The following ADNP2 variants were observed in gnomAD, a reference collection of about 807,000 sequenced individuals.
ADNP2 encodes ADNP homeobox 2, also known as activity-dependent neuroprotector homeobox protein 2.
In ADNP2, 8 loss-of-function variants were observed where a neutral mutation model predicts 16.4. The observed-to-expected ratio is 0.49, with a 90% CI of 0.29 to 0.88. ADNP2 has a LOEUF of 0.88. ADNP2 is among the 40% of genes least tolerant of loss of function. ADNP2 has a pLI of 0.09. For missense variants in ADNP2, 1,397 were observed against 1,395.1 expected (o/e 1.00, Z -0.02); for synonymous variants, 637 against 545.8 (o/e 1.17, Z -2.33).
intron 2 of ADNP2, among the ~76,000 whole-genome samples, chr18:80,120,441 C>T (rs2145196430): frequency 6.6e-6 from 1 of 151,404 alleles, no homozygotes; most frequent in Non-Finnish European, 1.5e-5. Context: ...AGATGATCCT[C>T]CTAACTCAGC....
intron 2 of ADNP2, among the ~76,000 whole-genome samples, chr18:80,119,098 AT>A (rs1038492440): frequency 3.6e-4 from 55 of 152,116 alleles, no homozygotes; most frequent in African/African-American, 1.1e-3. Context: ...ATATATTCAC[AT>A]TTTTTTTCTT....
Position 80,133,115 on chromosome 18 carries a change from T to A in ADNP2, c.121T>A (p.Phe41Ile). 2 of 1,606,978 alleles carry A rather than the reference T, an allele frequency of 1.2e-6. No homozygotes were observed. Residue 41 changes from phenylalanine (F) to isoleucine (I), a missense_variant, in exon 3 of 4, where the codon TTT becomes ATT. By Grantham distance (21) the Phe-to-Ile change is conservative. This residue lies in a region of ADNP2 where 777 missense variants were observed against 719.4 expected (regional missense o/e 1.08). Coordinates refer to ENST00000262198, the MANE Select transcript of ADNP2 (RefSeq NM_014913.4). Reference sequence around the variant, plus strand: ...CCCTTTTTAAAAGGACCTTAAAGGCTTTGATCCAGGAGAGAAATACTTTCA... The same window carrying A: ...CCCTTTTTAAAAGGACCTTAAAGGCATTGATCCAGGAGAGAAATACTTTCA... ...CKELLKDLKG[F>I]DPGEKYFHNT...
intron 2 of ADNP2, among the ~76,000 whole-genome samples, chr18:80,129,113 T>G (rs939451395): frequency 2.8e-5 from 4 of 143,204 alleles, no homozygotes; most frequent in African/African-American, 5.1e-5. Flanking sequence ...TTGTTTTTTT[T>G]TTTTTTTTGA....
intron 2 of ADNP2, among the ~76,000 whole-genome samples, chr18:80,118,966 G>GT (rs891056075): frequency 1.1e-4 from 17 of 152,212 alleles, no homozygotes; most frequent in African/African-American, 3.9e-4. Context: ...TAATACAGAA[G>GT]TTTTTTATAG....
chr18:80,132,038 T>C (rs946621998), intron 2 of ADNP2, among the ~76,000 whole-genome samples: 4 of 152,262 alleles, frequency 2.6e-5, no homozygotes, highest in Non-Finnish European at 1.5e-5. Context: ...TTTCTTTATA[T>C]GTACTCATGA....
chr18:80,118,722 A>G (rs1397321497), intron 2 of ADNP2, among the ~76,000 whole-genome samples: 1 of 152,190 alleles, frequency 6.6e-6, no homozygotes, highest in African/African-American at 2.4e-5. Flanking sequence ...ATTGCTCGTG[A>G]ACTTTTGCTT....
At position 80,136,696 on chromosome 18, in the gene ADNP2, G is replaced by A. The variant is rs1184045691; in HGVS notation, c.1283G>A (p.Gly428Glu). The A allele has an allele frequency of 1.2e-6, 2 of 1,613,202 alleles. No individual in the cohort carries two copies. The highest frequency in any genetic ancestry group is 1.7e-6 in the Non-Finnish European group (2 of 1,179,584). The part of the protein sequence containing the change: ...VLPVSPSVTP[G>E]VLQAVSPGVL... ...CCTGTGAGCCCCTCTGTCACCCCTG[G>A]GGTCCTGCAGGCTGTCTCGCCAGGG... The change falls in exon 4 of 4, where the codon GGG becomes GAG. Residue 428 changes from glycine to glutamate, a missense_variant. This residue lies in a region of ADNP2 where 777 missense variants were observed against 719.4 expected (regional missense o/e 1.08). Transcript: ENST00000262198.
At chr18:80,114,869 T>C (rs2052379367) in intron 1 of ADNP2, among the ~76,000 whole-genome samples, 1 of 151,982 alleles carries the variant, frequency 6.6e-6, no homozygotes. Flanking sequence ...TGCTGGTAGT[T>C]GATGTGGAAC....
chr18:80,121,752 T>C (rs1357877144), intron 2 of ADNP2, among the ~76,000 whole-genome samples: 1 of 152,226 alleles, frequency 6.6e-6, no homozygotes, highest in Non-Finnish European at 1.5e-5. Context: ...TACATGTAGA[T>C]AGAAATTCAG....
In ADNP2 at chr18:80,137,433, G is replaced by A; in HGVS notation, c.2020G>A (p.Val674Ile). The A allele has an allele frequency of 6.2e-7, 1 of 1,614,190 alleles. No individual in the cohort carries two copies. The highest frequency in any genetic ancestry group is 8.5e-7 in the Non-Finnish European group (1 of 1,180,044). The change falls in exon 4 of 4, where the codon GTT becomes ATT. Residue 674 changes from valine to isoleucine, a missense_variant. By Grantham distance (29) the Val-to-Ile change is conservative. Transcript: ENST00000262198. The surrounding 1 kb of genome is among the most constrained non-coding windows in gnomAD (Gnocchi z 4.2). ...GGTGAATGCTGCTCAGAGCGTGTTT[G>A]TTCAGGCCTCCTCCTCTGCAGCAGA... ...VLVNAAQSVF[V>I]QASSSAADTN...
At chr18:80,125,831 AAAG>A (rs1251829519) in intron 2 of ADNP2, among the ~76,000 whole-genome samples, 1 of 152,128 alleles carries the variant, frequency 6.6e-6, no homozygotes, top group Non-Finnish European at 1.5e-5. Context: ...TTTTTAATTA[AAAG>A]AAGTTTATTG....
Position 80,117,620 on chromosome 18 carries a change from T to C in ADNP2, c.78T>C (p.Ile26=). Residue 26 remains isoleucine, a synonymous_variant, in exon 2 of 4, where the codon ATT becomes ATC. Transcript: ENST00000262198. ...RKKVKGILVD[I]GLDSCKELLK... ...AGGTGAAAGGTATTCTTGTGGATATTGGGCTTGACAGCTGCAAGGAGTTAC... is the reference window on the plus strand; with the variant it reads ...AGGTGAAAGGTATTCTTGTGGATATCGGGCTTGACAGCTGCAAGGAGTTAC... 3 of 1,608,962 alleles carry C rather than the reference T, an allele frequency of 1.9e-6. No homozygotes were observed. The highest frequency in any genetic ancestry group is 2.5e-6 in the Non-Finnish European group (3 of 1,178,530).
In ADNP2 at chr18:80,135,784, T is replaced by G. The variant is rs2052528119; in HGVS notation, c.371T>G (p.Phe124Cys). The stretch of plus-strand genomic sequence containing the variant: ...CAGCCCAAAGTTGTGGGAAGGCACT[T>G]CAGAATGTTCCATGCACCTGTCCGG... ...ASQPKVVGRHFRMFHAPVRKV... is the reference protein window; with the variant it reads ...ASQPKVVGRHCRMFHAPVRKV... Residue 124 changes from phenylalanine to cysteine, a missense_variant, in exon 4 of 4, where the codon TTC becomes TGC. Phe to Cys is a radical substitution (Grantham distance 205, BLOSUM62 -2). This residue lies in a region of ADNP2 where 777 missense variants were observed against 719.4 expected (regional missense o/e 1.08). Coordinates refer to ENST00000262198, the MANE Select transcript of ADNP2 (RefSeq NM_014913.4). 2 of 1,614,106 alleles carry G rather than the reference T, an allele frequency of 1.2e-6. No homozygotes were observed. Among genetic ancestry groups the G allele is most frequent in the Non-Finnish European group, 1.7e-6 (2 of 1,180,050 alleles).
intron 1 of ADNP2, among the ~76,000 whole-genome samples, chr18:80,114,529 G>T (rs1207383852): frequency 6.6e-6 from 1 of 152,084 alleles, no homozygotes; most frequent in Non-Finnish European, 1.5e-5. Flanking sequence ...TGCCAAAAAA[G>T]TTGCCACATT....
At chr18:80,132,596 C>CTG (rs1568413500) in intron 2 of ADNP2, among the ~76,000 whole-genome samples, 17 of 151,766 alleles carry the variant, frequency 1.1e-4, no homozygotes, top group African/African-American at 4.1e-4. Flanking sequence ...TCCTTCCTCT[C>CTG]TTTTCTCTTT....
In ADNP2 at chr18:80,136,042, C is replaced by T. The variant is rs1334929076; in HGVS notation, c.629C>T (p.Pro210Leu). ...TNDTVSIEKI[P>L]PPDKYYCKKC... The stretch of plus-strand genomic sequence containing the variant: ...GATACTGTTTCTATAGAGAAGATCC[C>T]ACCACCTGACAAATATTACTGTAAA... Residue 210 changes from proline to leucine, a missense_variant, in exon 4 of 4, where the codon CCA becomes CTA. Physicochemically the swap from Pro to Leu is moderately conservative, Grantham distance 98. Around this residue, in one of 3 missense-constraint regions of ADNP2, gnomAD observed 777 missense variants for 719.4 expected, o/e 1.08. Coordinates refer to ENST00000262198, the MANE Select transcript of ADNP2 (RefSeq NM_014913.4). 1.2e-6 allele frequency: 2 copies of T among 1,614,074 alleles called. No homozygotes were observed. The highest frequency in any genetic ancestry group is 1.7e-6 in the Non-Finnish European group (2 of 1,180,050).
chr18:80,136,368 C>T lies in ADNP2; in HGVS notation c.955C>T (p.Leu319Phe), dbSNP rs2145215090. 6 of 1,614,218 alleles carry T rather than the reference C, an allele frequency of 3.7e-6. No homozygotes were observed. In the East Asian group the frequency reaches 1.3e-4, roughly 36 times the overall value. The change falls in exon 4 of 4, where the codon CTC becomes TTC. Residue 319 changes from leucine to phenylalanine, a missense_variant. Coordinates refer to ENST00000262198, the MANE Select transcript of ADNP2 (RefSeq NM_014913.4). The stretch of plus-strand genomic sequence containing the variant: ...TGTGGCCCAGGGTGCCCCTGGAAGC[C>T]TCACTCATTCCCCCCCTGCTGCTGG... ...VTVAQGAPGS[L>F]THSPPAAGQS...
At chr18:80,110,206 T>C (rs989946036) in intron 1 of ADNP2, among the ~76,000 whole-genome samples, 1 of 152,248 alleles carries the variant, frequency 6.6e-6, no homozygotes, top group African/African-American at 2.4e-5. Context: ...TGCATTGAAA[T>C]AGATTCCGTT....
chr18:80,110,676 T>G (rs1390577843), intron 1 of ADNP2, among the ~76,000 whole-genome samples: 1 of 152,206 alleles, frequency 6.6e-6, no homozygotes, highest in Admixed American at 6.5e-5. Context: ...TTAAAGATGT[T>G]CTTGGAGAGT....
Sources: allele counts gnomAD v4.1 joint callset (sites outside exome capture counted in the v4.1 genomes callset), GRCh38; gene constraint gnomAD v4.1.1; regional missense constraint gnomAD v4.1.1; non-coding constraint Gnocchi (gnomAD v3.1); transcripts MANE v1.5; gene names NCBI Gene and HGNC (gene_info 2026-07-23, HGNC 2026-07-21).